ZCCHC14: variants seen among roughly 807,000 people sequenced by gnomAD.
ZCCHC14 encodes the protein zinc finger CCHC domain-containing protein 14.
A neutral mutation model predicts 85.0 loss-of-function variants in ZCCHC14; 16 were observed. The ratio of observed to expected loss-of-function variants is 0.19; its 90% CI spans 0.13 to 0.29. ZCCHC14 has a LOEUF of 0.29. Among genes scored for constraint, ZCCHC14 ranks in the 10% least tolerant of loss-of-function variants. The pLI, the probability that ZCCHC14 is intolerant of heterozygous loss-of-function variation, is 1.00. For missense variants in ZCCHC14, 1,303 were observed against 1,443.5 expected, an observed-to-expected ratio of 0.90 and a Z score of 1.58; for synonymous variants, 775 against 630.7, an observed-to-expected ratio of 1.23 and a Z score of -3.43.
At chr16:87,428,864 A>T (rs1006283962) in intron 3 of ZCCHC14, among the ~76,000 whole-genome samples, 8 of 151,020 alleles carry the variant, frequency 5.3e-5, no homozygotes, top group Non-Finnish European at 1.0e-4. Context: ...TGAGTATCTC[A>T]GTTGTCCATT....
At chr16:87,418,044 G>A (rs117588346) in intron 7 of ZCCHC14, 5 of 415,524 alleles carry the variant, frequency 1.2e-5, no homozygotes, top group East Asian at 7.1e-5. Context: ...TTGTGTGTAC[G>A]TATGTGTATT....
intron 4 of ZCCHC14, among the ~76,000 whole-genome samples, chr16:87,423,030 T>C (rs569965854): frequency 6.6e-6 from 1 of 152,294 alleles, no homozygotes; most frequent in East Asian, 1.9e-4. Flanking sequence ...GATGAGGCCT[T>C]GGCTTTATAA....
At chr16:87,440,112 T>G (rs1308792608) in intron 2 of ZCCHC14, among the ~76,000 whole-genome samples, 1 of 152,156 alleles carries the variant, frequency 6.6e-6, no homozygotes, top group East Asian at 1.9e-4. Flanking sequence ...CGGCCTAACA[T>G]GCACTTTGAA....
At chr16:87,462,275 T>C (rs1364194097) in intron 1 of ZCCHC14, among the ~76,000 whole-genome samples, 9 of 152,238 alleles carry the variant, frequency 5.9e-5, no homozygotes, top group Non-Finnish European at 1.3e-4. Context: ...TAACAAAGTC[T>C]CTTTCATTAT....
chr16:87,460,153 C>G (rs779632296), intron 1 of ZCCHC14, 22 bp from the exon 2 acceptor site: 1 of 1,611,528 alleles, frequency 6.2e-7, no homozygotes. Flanking sequence ...GAAACAGAAT[C>G]ATCTTATTTT....
intron 2 of ZCCHC14, among the ~76,000 whole-genome samples, chr16:87,436,245 A>G (rs1485082031): frequency 6.6e-6 from 1 of 152,276 alleles, no homozygotes; most frequent in African/African-American, 2.4e-5. Context: ...GTTTTCAAAT[A>G]AAAGAGGCAT....
chr16:87,410,459 A>G, intron 12 of ZCCHC14, 124 bp from the exon 13 acceptor site: 1 of 558,584 alleles, frequency 1.8e-6, no homozygotes, highest in South Asian at 2.6e-5. Flanking sequence ...TAGGCCACCC[A>G]TCCTGACCGT....
rs1228122631 is a variant in ZCCHC14 at position 87,491,405 on chromosome 16, G to A, written c.570+264C>T. On this transcript the variant is annotated intron_variant, in intron 1 of 12. Coordinates refer to ENST00000671377, the MANE Select transcript of ZCCHC14 (RefSeq NM_015144.3). The surrounding 1 kb of genome is among the most constrained non-coding windows in gnomAD (Gnocchi z 5.9). ...ATGGGGGCTTGGGATGTACGGCGGA[G>A]GCTTGGGATGTACGGCGGAGGCTTG... Among the ~76,000 whole-genome samples, 1 of 144,938 alleles carries A rather than the reference G, an allele frequency of 6.9e-6. No individual in the cohort carries two copies. Among genetic ancestry groups the A allele is most frequent in the Admixed American group, 6.7e-5 (1 of 14,896 alleles).
chr16:87,411,430 A>G, intron 12 of ZCCHC14, 86 bp downstream of exon 12: 51 of 1,549,236 alleles, frequency 3.3e-5, no homozygotes, highest in Non-Finnish European at 4.4e-5. Context: ...TTTACAAAGA[A>G]AGAAGTTTAC....
At chr16:87,427,975 C>T (rs1909461462) in intron 3 of ZCCHC14, among the ~76,000 whole-genome samples, 1 of 146,552 alleles carries the variant, frequency 6.8e-6, no homozygotes, top group Admixed American at 6.9e-5. Flanking sequence ...ACAGGTCTCA[C>T]TGTGTTGCCC....
intron 2 of ZCCHC14, among the ~76,000 whole-genome samples, chr16:87,449,053 C>T (rs1176464259): frequency 6.6e-6 from 1 of 152,176 alleles, no homozygotes; most frequent in Non-Finnish European, 1.5e-5. Flanking sequence ...GGATGAGGGA[C>T]GCCTGAGTCA....
intron 4 of ZCCHC14, among the ~76,000 whole-genome samples, chr16:87,422,565 A>C (rs1367038581): frequency 6.9e-6 from 1 of 144,330 alleles, no homozygotes; most frequent in Non-Finnish European, 1.5e-5. Flanking sequence ...TCTACTAAAA[A>C]TTAAAAAAAA....
intron 1 of ZCCHC14, among the ~76,000 whole-genome samples, chr16:87,479,886 G>A (rs560288469): frequency 6.6e-6 from 1 of 152,032 alleles, no homozygotes; most frequent in South Asian, 2.1e-4. Context: ...CAACTCTCGT[G>A]TTAGAGAGTT....
intron 2 of ZCCHC14, among the ~76,000 whole-genome samples, chr16:87,449,852 C>A (rs545817963): frequency 6.6e-6 from 1 of 152,252 alleles, no homozygotes; most frequent in African/African-American, 2.4e-5. Flanking sequence ...CAAGACCAGC[C>A]TGGCCAACAT....
intron 2 of ZCCHC14, among the ~76,000 whole-genome samples, chr16:87,436,339 C>A (rs2150740630): frequency 6.6e-6 from 1 of 152,372 alleles, no homozygotes; most frequent in East Asian, 1.9e-4. Flanking sequence ...CAGGGCACCT[C>A]CGGGCCCAGG....
chr16:87,427,503 C>CCGCCTCCG (rs1909433843), intron 3 of ZCCHC14, among the ~76,000 whole-genome samples: 1 of 151,980 alleles, frequency 6.6e-6, no homozygotes, highest in Admixed American at 6.6e-5. Flanking sequence ...ACCTCCGCCT[C>CCGCCTCCG]CCGGGTTTAA....
intron 6 of ZCCHC14, among the ~76,000 whole-genome samples, chr16:87,419,507 T>C (rs937740669): frequency 2.0e-5 from 3 of 151,990 alleles, no homozygotes; most frequent in Admixed American, 6.6e-5. Flanking sequence ...TTCACCATAT[T>C]GGCCGGGCTG....
chr16:87,441,149 C>T (rs561749294), intron 2 of ZCCHC14, among the ~76,000 whole-genome samples: 12 of 152,140 alleles, frequency 7.9e-5, no homozygotes, highest in African/African-American at 4.8e-5. Context: ...CCCGCCACCA[C>T]GCCCAGCTAA....
intron 1 of ZCCHC14, among the ~76,000 whole-genome samples, chr16:87,481,625 G>A (rs1288277136): frequency 1.3e-5 from 2 of 149,212 alleles, no homozygotes; most frequent in East Asian, 2.0e-4. Context: ...GAGACCCTGA[G>A]GGAACACTGA....
Sources: allele counts gnomAD v4.1 joint callset (sites outside exome capture counted in the v4.1 genomes callset), GRCh38; gene constraint gnomAD v4.1.1; non-coding constraint Gnocchi (gnomAD v3.1); transcripts MANE v1.5; gene names NCBI Gene and HGNC (gene_info 2026-07-23, HGNC 2026-07-21).